Variants in RETREG1 observed in about 807,000 individuals in gnomAD.
RETREG1 encodes the protein family with sequence similarity 134 member B.
RETREG1 carries 44 observed loss-of-function variants against 54.8 expected under a neutral mutation model. The observed-to-expected ratio is 0.80, with a 90% CI of 0.63 to 1.03. The LOEUF (loss-of-function observed/expected upper bound fraction) is 1.03. Among genes scored for constraint, RETREG1 ranks in the 50% least tolerant of loss-of-function variants. RETREG1 has a pLI of 0.00. For synonymous variants in RETREG1, 217 were observed against 238.5 expected, an observed-to-expected ratio of 0.91 and a Z score of 0.83; for missense variants, 554 against 605.1, an observed-to-expected ratio of 0.92 and a Z score of 0.89.
At chr5:16,573,403 T>C (rs541219423) in intron 1 of RETREG1, among the ~76,000 whole-genome samples, 21 of 152,284 alleles carry the variant, frequency 1.4e-4, no homozygotes, top group Middle Eastern at 3.4e-3. Context: ...CACATGAGAT[T>C]AGAGGTCTGT....
intron 1 of RETREG1, among the ~76,000 whole-genome samples, chr5:16,612,725 T>A (rs1423433728): frequency 6.6e-6 from 1 of 152,188 alleles, no homozygotes; most frequent in East Asian, 1.9e-4. Flanking sequence ...TGAGTTCTCA[T>A]GAATATCATT....
At chr5:16,516,813 A>T (rs1250657372) in intron 3 of RETREG1, among the ~76,000 whole-genome samples, 1 of 152,222 alleles carries the variant, frequency 6.6e-6, no homozygotes, top group Admixed American at 6.5e-5. Flanking sequence ...CAAAAAGATC[A>T]TAAGAGGCCA....
intron 1 of RETREG1, among the ~76,000 whole-genome samples, chr5:16,601,535 T>C (rs1000624459): frequency 6.6e-6 from 1 of 152,062 alleles, no homozygotes. Flanking sequence ...TAGCTGGGAT[T>C]ACAGGCATGC....
chr5:16,604,627 T>C (rs1365584074), intron 1 of RETREG1, among the ~76,000 whole-genome samples: 2 of 152,088 alleles, frequency 1.3e-5, no homozygotes, highest in Non-Finnish European at 2.9e-5. Context: ...GTCTGGTGAG[T>C]GTCTGGGAAG....
At chr5:16,613,345 C>T (rs572382210) in intron 1 of RETREG1, among the ~76,000 whole-genome samples, 2 of 152,248 alleles carry the variant, frequency 1.3e-5, no homozygotes, top group East Asian at 1.9e-4. Context: ...ACTAGATCTC[C>T]CAAATCATTC....
intron 3 of RETREG1, among the ~76,000 whole-genome samples, chr5:16,522,218 A>G (rs968746681): frequency 7.0e-5 from 10 of 143,680 alleles, no homozygotes; most frequent in Middle Eastern, 3.4e-3. Context: ...TGATATGTGG[A>G]AAAAAAAAAA....
At chr5:16,556,271 G>C (rs986256380) in intron 3 of RETREG1, among the ~76,000 whole-genome samples, 1 of 151,690 alleles carries the variant, frequency 6.6e-6, no homozygotes, top group Admixed American at 6.6e-5. Flanking sequence ...CCATTCTCCT[G>C]CCTCAGCCTC....
rs1738401720 is a variant in RETREG1, at chr5:16,473,699, A to G, written c.*1042T>C. ...TTAAAAAGTTTAAAGGAAAATATAT[A>G]TATTCTATCTTCCCAATAAGAAACA... On this transcript the variant is annotated 3_prime_UTR_variant, in exon 9 of 9. Coordinates refer to ENST00000306320, the MANE Select transcript of RETREG1 (RefSeq NM_001034850.3). The G allele has an allele frequency of 6.6e-6, 1 of 152,428 alleles. No homozygotes were observed. The highest frequency in any genetic ancestry group is 2.1e-4 in the South Asian group (1 of 4,828). 9.4% of individuals were successfully genotyped at this position (152,428 alleles called of 1,614,324 possible). A position where few individuals can be genotyped will look rare whatever the true frequency, so the allele number is the denominator to read the frequency against.
At chr5:16,527,851 C>T (rs1373891944) in intron 3 of RETREG1, among the ~76,000 whole-genome samples, 1 of 127,996 alleles carries the variant, frequency 7.8e-6, no homozygotes, top group Non-Finnish European at 1.6e-5. Context: ...GCTCCGTCGC[C>T]CAGATTGGAC....
intron 3 of RETREG1, among the ~76,000 whole-genome samples, chr5:16,528,511 C>G (rs757065719): frequency 6.6e-6 from 1 of 152,104 alleles, no homozygotes; most frequent in South Asian, 2.1e-4. Context: ...ACATGGAGGC[C>G]AGTCTCTTCA....
chr5:16,482,899 T>A (rs976908363), intron 4 of RETREG1: 1 of 165,176 alleles, frequency 6.1e-6, no homozygotes, highest in African/African-American at 2.4e-5. Context: ...AAAGTTTTCT[T>A]TCTTAAATAA....
chr5:16,611,895 T>C (rs1424210645), intron 1 of RETREG1, among the ~76,000 whole-genome samples: 2 of 152,084 alleles, frequency 1.3e-5, no homozygotes, highest in Admixed American at 6.6e-5. Flanking sequence ...TGAAACCCTG[T>C]CACCACTAAA....
chr5:16,491,770 C>G (rs1739255094), intron 3 of RETREG1, among the ~76,000 whole-genome samples: 1 of 152,098 alleles, frequency 6.6e-6, no homozygotes, highest in Admixed American at 6.6e-5. Context: ...CACCTGTAAT[C>G]CCAGCACTTT....
intron 3 of RETREG1, among the ~76,000 whole-genome samples, chr5:16,523,539 T>C (rs1579644141): frequency 6.6e-6 from 1 of 152,190 alleles, no homozygotes; most frequent in East Asian, 2.0e-4. Flanking sequence ...GATGTCCAAA[T>C]GGCATATCAC....
At chr5:16,528,161 G>A (rs1740781975) in intron 3 of RETREG1, among the ~76,000 whole-genome samples, 1 of 152,066 alleles carries the variant, frequency 6.6e-6, no homozygotes. Context: ...TGAAGACAAC[G>A]TGTTCCGGAA....
At chr5:16,510,330 G>A (rs995031784) in intron 3 of RETREG1, among the ~76,000 whole-genome samples, 1 of 152,144 alleles carries the variant, frequency 6.6e-6, no homozygotes, top group African/African-American at 2.4e-5. Context: ...TGAAATACCA[G>A]GGACTTGAAA....
chr5:16,531,568 A>G (rs893610380), intron 3 of RETREG1, among the ~76,000 whole-genome samples: 4 of 152,154 alleles, frequency 2.6e-5, no homozygotes, highest in Non-Finnish European at 4.4e-5. Flanking sequence ...ACAGAAATCC[A>G]CAGAATGAGC....
At chr5:16,510,774 A>G (rs571540281) in intron 3 of RETREG1, among the ~76,000 whole-genome samples, 1 of 141,886 alleles carries the variant, frequency 7.0e-6, no homozygotes, top group Non-Finnish European at 1.5e-5. Flanking sequence ...TAGGTGACAG[A>G]GTGAGAACCT....
intron 3 of RETREG1, among the ~76,000 whole-genome samples, chr5:16,537,585 C>G (rs1348812874): frequency 6.6e-6 from 1 of 152,174 alleles, no homozygotes; most frequent in Non-Finnish European, 1.5e-5. Context: ...GTAATCCCAG[C>G]TACTTGGGAG....
Sources: gnomAD v4.1 joint callset for allele counts (sites outside exome capture counted in the v4.1 genomes callset) on GRCh38, gnomAD v4.1.1 for gene constraint, MANE v1.5 for transcripts, NCBI Gene and HGNC (gene_info 2026-07-23, HGNC 2026-07-21) for gene names.